Variants in DLGAP5 observed in about 807,000 individuals in gnomAD.
The protein encoded by DLGAP5 is disks large-associated protein 5.
Under a neutral mutation model 99.6 loss-of-function variants are expected in DLGAP5, and 90 were observed. The ratio of observed to expected loss-of-function variants is 0.90; its 90% CI spans 0.76 to 1.08. The LOEUF is 1.08. Among genes scored for constraint, DLGAP5 ranks in the 50% least tolerant of loss-of-function variants. The pLI is 0.00. For missense variants in DLGAP5, 1,036 were observed against 983.5 expected (o/e 1.05, Z -0.71); for synonymous variants, 311 against 321.3 (o/e 0.97, Z 0.34).
In DLGAP5 at chr14:55,158,652, A is replaced by AT; in HGVS notation, c.1742dup (p.Asn581LysfsTer8). The stretch of plus-strand genomic sequence containing the variant: ...CCTGCCTAATTCTCTCTCTCATTGC[A>AT]TTTTTTATGGCAGCTAGGCGATTTC... On this transcript the variant is annotated frameshift_variant, in exon 14 of 19. Coordinates refer to ENST00000247191, the MANE Select transcript of DLGAP5 (RefSeq NM_014750.5). LOFTEE classifies it high-confidence loss of function. 6 of 1,613,972 alleles carry AT rather than the reference A, an allele frequency of 3.7e-6. No homozygotes were observed. Among genetic ancestry groups the AT allele is most frequent in the East Asian group, 4.5e-5 (2 of 44,866 alleles).
In DLGAP5 at chr14:55,173,519, C is replaced by T. The variant is rs561300994; in HGVS notation, c.1301+1827G>A. ...AAACTATAATGAGATACTTACTTCT[C>T]ATCTATTTGATTTGCAAACAGAATA... On this transcript the variant is annotated intron_variant, in intron 10 of 18. Transcript: ENST00000247191. Among the ~76,000 whole-genome samples, 4 of 152,180 alleles carry T rather than the reference C, an allele frequency of 2.6e-5. No homozygotes were observed. The South Asian group carries it at 8.3e-4, about 32-fold the overall frequency.
chr14:55,175,030 A>T (rs116359248), intron 10 of DLGAP5, among the ~76,000 whole-genome samples: 16 of 152,306 alleles, frequency 1.1e-4, no homozygotes, highest in African/African-American at 3.1e-4. Flanking sequence ...TGTACATGTT[A>T]TATTTGTCTA....
At chr14:55,171,670 CCATGTTCATA>C (rs1209371291) in intron 10 of DLGAP5, among the ~76,000 whole-genome samples, 1 of 152,124 alleles carries the variant, frequency 6.6e-6, no homozygotes, top group Non-Finnish European at 1.5e-5. Context: ...ATTTGTACAC[CCATGTTCATA>C]GCTGTTCACA....
chr14:55,188,448 C>A (rs542363786), intron 2 of DLGAP5, among the ~76,000 whole-genome samples: 2 of 152,210 alleles, frequency 1.3e-5, no homozygotes, highest in South Asian at 4.2e-4. Flanking sequence ...TTCATGGATT[C>A]TTTAATTATT....
At chr14:55,162,790 A>C (rs1189433208) in intron 13 of DLGAP5, among the ~76,000 whole-genome samples, 181 bp downstream of exon 13, 2 of 152,182 alleles carry the variant, frequency 1.3e-5, no homozygotes, top group African/African-American at 4.8e-5. Context: ...CTTCAAAGGC[A>C]ATCAAGTACA....
chr14:55,154,059 AAAAC>A (rs1045697509), intron 15 of DLGAP5, among the ~76,000 whole-genome samples: 5 of 152,278 alleles, frequency 3.3e-5, no homozygotes, highest in African/African-American at 1.2e-4. Context: ...CCACCTCCAA[AAAAC>A]AAACAAAAAA....
intron 12 of DLGAP5, among the ~76,000 whole-genome samples, chr14:55,163,597 A>T (rs1219132816): frequency 6.6e-6 from 1 of 152,240 alleles, no homozygotes; most frequent in African/African-American, 2.4e-5. Context: ...AGTGACTGCC[A>T]AACTGTCTTC....
At position 55,158,389 on chromosome 14, in the gene DLGAP5, A is replaced by T. The variant is rs1036614701; in HGVS notation, c.1873+133T>A. The T allele has an allele frequency of 1.1e-5, 8 of 720,714 alleles. No homozygotes were observed. In the African/African-American group the frequency reaches 1.4e-4, roughly 13 times the overall value. The allele number at this position is 720,714 out of a possible 1,614,324, so 44.6% of individuals were successfully genotyped here. On this transcript the variant is annotated intron_variant, in intron 14 of 18. Coordinates refer to ENST00000247191, the MANE Select transcript of DLGAP5 (RefSeq NM_014750.5). ...GAGCGAGCATAGTCTATTTTCTAAA[A>T]ATCACAGAAAAACTTATGTCTCTTC...
intron 2 of DLGAP5, among the ~76,000 whole-genome samples, chr14:55,185,663 G>C (rs1594685258): frequency 1.3e-5 from 2 of 151,550 alleles, no homozygotes; most frequent in South Asian, 4.2e-4. Flanking sequence ...TTTGTATTTT[G>C]AGTAGAGATG....
At chr14:55,162,905 T>C in intron 13 of DLGAP5, 66 bp downstream of exon 13, 1 of 641,438 alleles carries the variant, frequency 1.6e-6, no homozygotes, top group African/African-American at 1.9e-5. Context: ...ATTAGAAATT[T>C]GGATGTATGT....
At chr14:55,151,641 T>C in intron 17 of DLGAP5, 54 bp downstream of exon 17, 1 of 1,550,682 alleles carries the variant, frequency 6.4e-7, no homozygotes, top group Non-Finnish European at 8.7e-7. Context: ...TATACCTTAA[T>C]CCAAGTTCAT....
At chr14:55,177,813 A>T (rs1883133280) in intron 7 of DLGAP5, among the ~76,000 whole-genome samples, 1 of 151,842 alleles carries the variant, frequency 6.6e-6, no homozygotes, top group Non-Finnish European at 1.5e-5. Flanking sequence ...CTGGGATTAC[A>T]GGCGGGAGCC....
chr14:55,159,291 T>C (rs1375160708), intron 13 of DLGAP5, among the ~76,000 whole-genome samples: 2 of 152,150 alleles, frequency 1.3e-5, no homozygotes, highest in Non-Finnish European at 2.9e-5. Flanking sequence ...TAGATTATAA[T>C]AAAAATCACC....
chr14:55,151,103 T>C (rs899599761), intron 17 of DLGAP5, among the ~76,000 whole-genome samples: 4 of 152,202 alleles, frequency 2.6e-5, no homozygotes, highest in African/African-American at 9.6e-5. Flanking sequence ...GAAGAACAGC[T>C]GGAGGACATT....
In DLGAP5 at chr14:55,179,688, C is replaced by T. The variant is rs754552869; in HGVS notation, c.715G>A (p.Glu239Lys). The T allele has an allele frequency of 6.2e-7, 1 of 1,610,056 alleles. No individual in the cohort carries two copies. The highest frequency in any genetic ancestry group is 8.5e-7 in the Non-Finnish European group (1 of 1,178,440). The part of the protein sequence containing the change: ...VTRAANENEP[E>K]GKVPSKGRPA... ...CTTCCTTTACTTGGCACCTTTCCTT[C>T]TGGTTCGTTTTCTAAAACAACAATA... is the stretch of plus-strand genomic sequence containing the variant. The change falls in exon 7 of 19, where the codon GAA (glutamate) becomes AAA (lysine). Residue 239 changes from glutamate to lysine, a missense_variant. Coordinates refer to ENST00000247191, the MANE Select transcript of DLGAP5 (RefSeq NM_014750.5).
rs1882148693 is a variant in DLGAP5, at chr14:55,154,768, C to G, written c.1912G>C (p.Gly638Arg). The change falls in exon 15 of 19, where the codon GGA becomes CGA. Residue 638 changes from glycine (G) to arginine (R), a missense_variant. Gly to Arg is a moderately radical substitution (Grantham distance 125). Transcript: ENST00000247191. The stretch of plus-strand genomic sequence containing the variant: ...GCTTTGTTGACAGACTTAGGTGTTC[C>G]AAGTCTTTGAGAAGGGCCTTCAGAA... ...VSSEGPSQRL[G>R]TPKSVNKAVS... is the part of the protein sequence containing the mutation. The G allele has an allele frequency of 1.2e-6, 2 of 1,614,052 alleles. No individual in the cohort carries two copies. Among genetic ancestry groups the G allele is most frequent in the East Asian group, 4.5e-5 (2 of 44,868 alleles).
chr14:55,160,842 A>T (rs770683060), intron 13 of DLGAP5, among the ~76,000 whole-genome samples: 3 of 152,188 alleles, frequency 2.0e-5, no homozygotes, highest in Non-Finnish European at 4.4e-5. Flanking sequence ...GGTAAAACTG[A>T]ATTGCAATGA....
chr14:55,172,874 C>G (rs1001617718), intron 10 of DLGAP5, among the ~76,000 whole-genome samples: 1 of 148,698 alleles, frequency 6.7e-6, no homozygotes, highest in Non-Finnish European at 1.5e-5. Flanking sequence ...CCTGGCTACT[C>G]AGGAGGCTGA....
At chr14:55,177,935 T>TA (rs1883136729) in intron 7 of DLGAP5, among the ~76,000 whole-genome samples, 1 of 151,788 alleles carries the variant, frequency 6.6e-6, no homozygotes, top group Non-Finnish European at 1.5e-5. Flanking sequence ...ATTCAACAAA[T>TA]ACGTATCTTT....
Sources: gnomAD v4.1 joint callset for allele counts (sites outside exome capture counted in the v4.1 genomes callset) on GRCh38, gnomAD v4.1.1 for gene constraint, MANE v1.5 for transcripts, NCBI Gene and HGNC (gene_info 2026-07-23, HGNC 2026-07-21) for gene names.